MBD3L1: variants seen among roughly 807,000 people sequenced by gnomAD.
MBD3L1 encodes the protein methyl-CpG-binding domain protein 3-like 1.
For missense variants in MBD3L1, 203 were observed against 230.1 expected (o/e 0.88, Z 0.76); for synonymous variants, 84 against 85.1 (o/e 0.99, Z 0.07).
chr19:8,840,225 AT>A (rs1343053347), intron 1 of MBD3L1, among the ~76,000 whole-genome samples: 3 of 151,858 alleles, frequency 2.0e-5, no homozygotes, highest in Non-Finnish European at 4.4e-5. Context: ...CAAAGGTTAC[AT>A]TGCAATATTG....
chr19:8,842,779 C>G lies in MBD3L1; in HGVS notation c.101C>G (p.Thr34Arg). The G allele has an allele frequency of 6.2e-7, 1 of 1,614,182 alleles. No individual in the cohort carries two copies. Among genetic ancestry groups the G allele is most frequent in the South Asian group, 1.1e-5 (1 of 91,080 alleles). ...TSIPLRMSSY[T>R]FKRPVTRITP... is the part of the protein sequence containing the mutation. ...ATCCCTTTGAGAATGTCCAGTTACA[C>G]ATTCAAGAGGCCAGTAACGAGAATT... Residue 34 changes from threonine (T) to arginine (R), a missense_variant, in exon 3 of 3, where the codon ACA (threonine) becomes AGA (arginine). Thr to Arg is a moderately conservative substitution (Grantham distance 71, BLOSUM62 -1). Transcript: ENST00000595891.
intron 1 of MBD3L1, among the ~76,000 whole-genome samples, chr19:8,839,273 C>G (rs1038719138): frequency 2.6e-5 from 4 of 151,350 alleles, no homozygotes; most frequent in African/African-American, 7.3e-5. Flanking sequence ...CAAGCTCCGC[C>G]TCCCAGGTTC....
At chr19:8,837,175 G>A (rs1280543179) in intron 1 of MBD3L1, among the ~76,000 whole-genome samples, 1 of 152,164 alleles carries the variant, frequency 6.6e-6, no homozygotes, top group Non-Finnish European at 1.5e-5. Context: ...CAGGTACTTG[G>A]TAACATATAC....
chr19:8,834,894 T>C (rs1329643467), intron 1 of MBD3L1, among the ~76,000 whole-genome samples: 1 of 152,102 alleles, frequency 6.6e-6, no homozygotes, highest in Non-Finnish European at 1.5e-5. Context: ...TTAAAAAACA[T>C]TGATGCTTCA....
At chr19:8,833,192 TC>T (rs1342639978) in intron 1 of MBD3L1, 1 of 152,164 alleles carries the variant, frequency 6.6e-6, no homozygotes, top group Non-Finnish European at 1.5e-5. Context: ...CTTCCTTGGA[TC>T]CCTAGATTGT....
chr19:8,838,257 A>AAAAAAAAAAAAAAAG (rs2044475540), intron 1 of MBD3L1, among the ~76,000 whole-genome samples: 1 of 131,532 alleles, frequency 7.6e-6, no homozygotes, highest in Non-Finnish European at 1.6e-5. Context: ...CATCTCAAAA[A>AAAAAAAAAAAAAAAG]AAAAAAAAAA....
chr19:8,842,915 T>G lies in MBD3L1; in HGVS notation c.237T>G (p.Ser79Arg). 1 of 1,614,204 alleles carries G rather than the reference T, an allele frequency of 6.2e-7. No individual in the cohort carries two copies. The highest frequency in any genetic ancestry group is 1.7e-5 in the Admixed American group (1 of 60,014). Reference sequence around the variant, plus strand: ...TGCAGGGACTCCAGGCTTACAGCAGTGCAGGAGAACTTTCAAGCACTTTGG... The same window carrying G: ...TGCAGGGACTCCAGGCTTACAGCAGGGCAGGAGAACTTTCAAGCACTTTGG... ...RRLQGLQAYSSAGELSSTLDL... is the reference protein window; with the variant it reads ...RRLQGLQAYSRAGELSSTLDL... Residue 79 changes from serine (S) to arginine (R), a missense_variant, in exon 3 of 3, where the codon AGT becomes AGG. Physicochemically the swap from Ser to Arg is moderately radical, Grantham distance 110. Transcript: ENST00000595891.
rs1310293489 is a variant in MBD3L1 at position 8,832,454 on chromosome 19, C to T, written c.-175C>T. On this transcript the variant is annotated 5_prime_UTR_variant, in exon 1 of 3. Transcript: ENST00000595891. Reference sequence around the variant, plus strand: ...GGGAGCGGCGGCCGCGAACCCCAGCCTTGGGCAGAGGTGTTCTAGTTTGCT... The same window carrying T: ...GGGAGCGGCGGCCGCGAACCCCAGCTTTGGGCAGAGGTGTTCTAGTTTGCT... The T allele has an allele frequency of 6.5e-6, 1 of 152,902 alleles. No homozygotes were observed. Among genetic ancestry groups the T allele is most frequent in the Admixed American group, 6.5e-5 (1 of 15,294 alleles). 9.5% of individuals were successfully genotyped at this position (152,902 alleles called of 1,614,324 possible). A position where few individuals can be genotyped will look rare whatever the true frequency, so the allele number is the denominator to read the frequency against.
chr19:8,836,215 G>T (rs947762304), intron 1 of MBD3L1, among the ~76,000 whole-genome samples: 2 of 152,144 alleles, frequency 1.3e-5, no homozygotes, highest in Non-Finnish European at 2.9e-5. Context: ...AAATTCTTCA[G>T]TTAGGCATAA....
rs140645228 is a variant in MBD3L1 at position 8,843,036 on chromosome 19, C to T, written c.358C>T (p.Pro120Ser). Residue 120 changes from proline to serine, a missense_variant, in exon 3 of 3, where the codon CCC becomes TCC. Pro to Ser is a moderately conservative substitution (Grantham distance 74). Transcript: ENST00000595891. ...TGGTCTGGAGCACTCCTGCCCCATG[C>T]CCCACCTTGCCTGCTCTTCAGATGC... ...ASGLEHSCPM[P>S]HLACSSDAVE... 533 of 1,614,120 alleles carry T rather than the reference C, an allele frequency of 3.3e-4. 1 individual carries two copies. In the African/African-American group the frequency reaches 6.3e-3, roughly 19 times the overall value.
At chr19:8,838,277 A>AAAAAAAAAAAAAAAAAAAAC in intron 1 of MBD3L1, among the ~76,000 whole-genome samples, 1 of 147,546 alleles carries the variant, frequency 6.8e-6, no homozygotes, top group African/African-American at 2.5e-5. Flanking sequence ...AAAAAAAAAA[A>AAAAAAAAAAAAAAAAAAAAC]AAAAAAGATC....
intron 1 of MBD3L1, among the ~76,000 whole-genome samples, chr19:8,834,401 A>G (rs967102821): frequency 2.0e-5 from 3 of 151,866 alleles, no homozygotes; most frequent in Non-Finnish European, 4.4e-5. Context: ...CGAGGTCAAG[A>G]TATCGAGACC....
chr19:8,836,076 G>A (rs145137428), intron 1 of MBD3L1, among the ~76,000 whole-genome samples: 116 of 152,308 alleles, frequency 7.6e-4, no homozygotes, highest in African/African-American at 2.7e-3. Flanking sequence ...TAGTGGTGAC[G>A]ATTGCGCAAC....
intron 2 of MBD3L1, among the ~76,000 whole-genome samples, chr19:8,841,420 C>T (rs539267081): frequency 7.2e-5 from 11 of 152,090 alleles, no homozygotes; most frequent in East Asian, 1.9e-4. Flanking sequence ...TACGGAGGTC[C>T]GGAGTAATTC....
chr19:8,835,751 T>G (rs2044448713), intron 1 of MBD3L1, among the ~76,000 whole-genome samples: 1 of 152,206 alleles, frequency 6.6e-6, no homozygotes, highest in African/African-American at 2.4e-5. Context: ...TTATACATAA[T>G]AGCCCAAAAT....
intron 1 of MBD3L1, among the ~76,000 whole-genome samples, chr19:8,840,574 G>C (rs2044502182): frequency 6.6e-6 from 1 of 152,076 alleles, no homozygotes; most frequent in African/African-American, 2.4e-5. Flanking sequence ...CAAAGTGCTG[G>C]GATTAGATGT....
In MBD3L1 at chr19:8,839,272, C is replaced by T. The variant is rs181004375; in HGVS notation, c.-106-1643C>T. On this transcript the variant is annotated intron_variant, in intron 1 of 2. Coordinates refer to ENST00000595891, the MANE Select transcript of MBD3L1 (RefSeq NM_001393532.1). ...CCATCTCGGCTCACTGCAAGCTCCG[C>T]CTCCCAGGTTCACGCCATTCTCCTG... 2.0e-5 allele frequency among the ~76,000 whole-genome samples: 3 copies of T among 150,892 alleles called. No homozygotes were observed. The East Asian group carries it at 5.9e-4, about 29-fold the overall frequency.
In MBD3L1 at chr19:8,842,952, A is replaced by C. The variant is rs1458637086; in HGVS notation, c.274A>C (p.Thr92Pro). 1 of 1,614,200 alleles carries C rather than the reference A, an allele frequency of 6.2e-7. No individual in the cohort carries two copies. The highest frequency in any genetic ancestry group is 8.5e-7 in the Non-Finnish European group (1 of 1,180,036). The change falls in exon 3 of 3, where the codon ACC becomes CCC. Residue 92 changes from threonine (T) to proline (P), a missense_variant. Thr to Pro is a conservative substitution (Grantham distance 38). Coordinates refer to ENST00000595891, the MANE Select transcript of MBD3L1 (RefSeq NM_001393532.1). ...TTCAAGCACTTTGGATCTTGCCAAT[A>C]CCTTGCAAAAACTTGTCCCTAGTTA... ...ELSSTLDLAN[T>P]LQKLVPSYTG...
At chr19:8,833,285 A>C (rs1042390843) in intron 1 of MBD3L1, 1 of 152,242 alleles carries the variant, frequency 6.6e-6, no homozygotes, top group Non-Finnish European at 1.5e-5. Flanking sequence ...TGCTTTCCCA[A>C]GGCAGAACAT....
Sources: gnomAD v4.1 joint callset for allele counts (sites outside exome capture counted in the v4.1 genomes callset) on GRCh38, gnomAD v4.1.1 for gene constraint, MANE v1.5 for transcripts, NCBI Gene and HGNC (gene_info 2026-07-23, HGNC 2026-07-21) for gene names.